Variants in INO80D observed in about 807,000 individuals in gnomAD.
The protein encoded by INO80D is INO80 complex subunit D.
A neutral mutation model predicts 87.6 loss-of-function variants in INO80D; 21 were observed. The ratio of observed to expected loss-of-function variants is 0.24; its 90% CI spans 0.17 to 0.35. The LOEUF is 0.35. Ranked by LOEUF, INO80D falls within the 10% of genes least tolerant of loss-of-function variation. The pLI is 1.00. For synonymous variants in INO80D, 440 were observed against 491.0 expected (o/e 0.90, Z 1.37); for missense variants, 982 against 1,280.7 (o/e 0.77, Z 3.56).
At chr2:206,012,438 C>T (rs1243813300) in intron 8 of INO80D, among the ~76,000 whole-genome samples, 1 of 152,108 alleles carries the variant, frequency 6.6e-6, no homozygotes, top group Non-Finnish European at 1.5e-5. Flanking sequence ...CAACATACCC[C>T]CTATGGCAGG....
At chr2:206,014,337 G>T (rs569705529) in intron 8 of INO80D, among the ~76,000 whole-genome samples, 1 of 152,204 alleles carries the variant, frequency 6.6e-6, no homozygotes, top group Non-Finnish European at 1.5e-5. Flanking sequence ...GAAGCCAGTT[G>T]ATCTGGTTTG....
At chr2:206,025,211 T>G (rs1688572014) in intron 6 of INO80D, among the ~76,000 whole-genome samples, 1 of 151,820 alleles carries the variant, frequency 6.6e-6, no homozygotes, top group Non-Finnish European at 1.5e-5. Context: ...TCTCTATATA[T>G]GTACTAAAAG....
At position 206,002,709 on chromosome 2, in the gene INO80D, C is replaced by T. The variant is rs753568174; in HGVS notation, c.*1659G>A. 2.6e-5 allele frequency: 4 copies of T among 152,130 alleles called. No individual in the cohort carries two copies. The highest frequency in any genetic ancestry group is 5.9e-5 in the Non-Finnish European group (4 of 68,036). The allele number at this position is 152,130 out of a possible 1,614,324, so 9.4% of individuals were successfully genotyped here. On this transcript the variant is annotated 3_prime_UTR_variant, in exon 11 of 11. Coordinates refer to ENST00000403263, the MANE Select transcript of INO80D (RefSeq NM_017759.5). The stretch of plus-strand genomic sequence containing the variant: ...TAGCATGGCATAAAGAGATTACATA[C>T]AGGAAGTAGGAAAATACATCCAATC...
intron 5 of INO80D, among the ~76,000 whole-genome samples, chr2:206,042,373 A>G (rs1339944931): frequency 2.0e-5 from 3 of 152,052 alleles, no homozygotes; most frequent in Non-Finnish European, 4.4e-5. Flanking sequence ...ATTAAAAACA[A>G]TAAAGAGAAT....
chr2:206,046,069 T>C (rs1207090537), intron 5 of INO80D, among the ~76,000 whole-genome samples: 2 of 152,204 alleles, frequency 1.3e-5, no homozygotes, highest in Non-Finnish European at 1.5e-5. Flanking sequence ...TCAAACGATA[T>C]AGTACATTTA....
chr2:206,035,333 T>A (rs1292469318), intron 5 of INO80D, among the ~76,000 whole-genome samples: 2 of 152,002 alleles, frequency 1.3e-5, no homozygotes, highest in Non-Finnish European at 2.9e-5. Flanking sequence ...ACTACCTGAT[T>A]TCAAACTATA....
intron 5 of INO80D, among the ~76,000 whole-genome samples, chr2:206,038,862 A>G (rs890483380): frequency 6.6e-6 from 1 of 152,164 alleles, no homozygotes; most frequent in Admixed American, 6.5e-5. Context: ...AGAAAAAAAG[A>G]GAGGAGGTAG....
chr2:205,994,277 A>G lies in INO80D; in HGVS notation c.*10091T>C, dbSNP rs2105778823. The G allele has an allele frequency of 6.6e-6, 1 of 152,234 alleles. No individual in the cohort carries two copies. The highest frequency in any genetic ancestry group is 2.4e-5 in the African/African-American group (1 of 41,536). 9.4% of individuals were successfully genotyped at this position (152,234 alleles called of 1,614,324 possible). A position where few individuals can be genotyped will look rare whatever the true frequency, so the allele number is the denominator to read the frequency against. On this transcript the variant is annotated 3_prime_UTR_variant, in exon 11 of 11. Coordinates refer to ENST00000403263, the MANE Select transcript of INO80D (RefSeq NM_017759.5). Reference sequence around the variant, plus strand: ...TAAGTTCCCTTTAAGCGGCTTTTATATTTTTGTATTTATTTTTAATGCATG... The same window carrying G: ...TAAGTTCCCTTTAAGCGGCTTTTATGTTTTTGTATTTATTTTTAATGCATG...
chr2:206,046,540 C>G lies in INO80D; in HGVS notation c.1037G>C (p.Trp346Ser). Residue 346 changes from tryptophan to serine, a missense_variant, in exon 5 of 11, where the codon TGG (tryptophan) becomes TCG (serine). Coordinates refer to ENST00000403263, the MANE Select transcript of INO80D (RefSeq NM_017759.5). ...SEQASPYQVAWSIRETLRYQR... is the reference protein window; with the variant it reads ...SEQASPYQVASSIRETLRYQR... ...ATATCTGAGGGTTTCCCGGATGGAC[C>G]ATGCAACCTGGTAGGGCGAGGCCTG... 6.2e-7 allele frequency: 1 copy of G among 1,613,644 alleles called. No homozygotes were observed.
intron 9 of INO80D, among the ~76,000 whole-genome samples, chr2:206,009,234 G>A (rs1406970517): frequency 2.6e-5 from 4 of 152,198 alleles, no homozygotes; most frequent in Non-Finnish European, 5.9e-5. Context: ...CTTGAACCCT[G>A]GAGGCAGAGG....
chr2:206,018,366 G>C (rs755468240), intron 7 of INO80D, among the ~76,000 whole-genome samples: 1 of 152,006 alleles, frequency 6.6e-6, no homozygotes, highest in African/African-American at 2.4e-5. Context: ...GGCTGGTCTC[G>C]AACTCCTGAC....
In INO80D at chr2:205,999,150, C is replaced by T. The variant is rs818026; in HGVS notation, c.*5218G>A. ...TTCCAAGGGGAACTTTGGGTGCATA[C>T]AGAGCTTACTTCAGTGGTCCCCAGC... is the stretch of plus-strand genomic sequence containing the variant. On this transcript the variant is annotated 3_prime_UTR_variant, in exon 11 of 11. Coordinates refer to ENST00000403263, the MANE Select transcript of INO80D (RefSeq NM_017759.5). The T allele has an allele frequency of 0.64, 96,988 of 152,068 alleles. 32,048 individuals are homozygous for T. Among genetic ancestry groups the T allele is most frequent in the South Asian group, 0.74 (3,553 of 4,820 alleles). The allele number at this position is 152,068 out of a possible 1,614,324, so 9.4% of individuals were successfully genotyped here. A position where few individuals can be genotyped will look rare whatever the true frequency, so the allele number is the denominator to read the frequency against.
At chr2:206,046,382 C>T (rs1044268822) in intron 5 of INO80D, 122 bp downstream of exon 5, 1 of 652,514 alleles carries the variant, frequency 1.5e-6, no homozygotes, top group African/African-American at 1.8e-5. Flanking sequence ...ACTAAAAATA[C>T]AAAAAAAATT....
intron 5 of INO80D, among the ~76,000 whole-genome samples, chr2:206,032,133 G>A (rs1348164119): frequency 2.0e-5 from 3 of 152,186 alleles, no homozygotes; most frequent in African/African-American, 7.2e-5. Context: ...ACAGGGAGAA[G>A]GAAATCTCCA....
intron 1 of INO80D, among the ~76,000 whole-genome samples, chr2:206,083,856 T>C (rs1575905159): frequency 1.1e-4 from 9 of 79,932 alleles, no homozygotes; most frequent in African/African-American, 1.7e-4. Context: ...TGCCCTAAGC[T>C]CACCAAAAAA....
rs1385343960 is a variant in INO80D, at chr2:206,004,638, G to T, written c.2814C>A (p.Thr938=). The change falls in exon 11 of 11, where the codon ACC becomes ACA. Residue 938 remains threonine (T), a synonymous_variant. Coordinates refer to ENST00000403263, the MANE Select transcript of INO80D (RefSeq NM_017759.5). This position sits in a 1 kb window ranked among gnomAD's most constrained non-coding sequence, Gnocchi z 4.9. ...CCGGAAGCACACTGGAGCTGCTGGG[G>T]GTCACGGTGGCGAAGGCAGGCTGTG... The part of the protein sequence containing the change: ...ETTQPAFATV[T]PSSSSVLPGL... 2.2e-5 allele frequency: 36 copies of T among 1,613,546 alleles called. No homozygotes were observed. The highest frequency in any genetic ancestry group is 3.0e-5 in the Non-Finnish European group (35 of 1,179,744).
intron 1 of INO80D, among the ~76,000 whole-genome samples, chr2:206,075,748 A>C (rs952377987): frequency 6.6e-6 from 1 of 151,110 alleles, no homozygotes; most frequent in Non-Finnish European, 1.5e-5. Flanking sequence ...CATACCTTAT[A>C]ATTTTTTTAA....
chr2:206,067,120 G>A (rs928263184), intron 1 of INO80D, among the ~76,000 whole-genome samples: 2 of 150,744 alleles, frequency 1.3e-5, no homozygotes, highest in Admixed American at 1.3e-4. Context: ...GGTGGTGGGG[G>A]CCTGTAATCC....
chr2:206,019,623 A>G, intron 7 of INO80D, 113 bp downstream of exon 7: 1 of 661,556 alleles, frequency 1.5e-6, no homozygotes, highest in Non-Finnish European at 2.5e-6. Context: ...AATTATTTTA[A>G]ACATTAAACA....
Sources: gnomAD v4.1 joint callset for allele counts (sites outside exome capture counted in the v4.1 genomes callset) on GRCh38, gnomAD v4.1.1 for gene constraint, Gnocchi (gnomAD v3.1) non-coding constraint, MANE v1.5 for transcripts, NCBI Gene and HGNC (gene_info 2026-07-23, HGNC 2026-07-21) for gene names.